Variants in SEZ6L observed in about 807,000 individuals in gnomAD.
SEZ6L encodes seizure 6-like protein.
In SEZ6L, 37 loss-of-function variants were observed where a neutral mutation model predicts 106.2. The ratio of observed to expected loss-of-function variants is 0.35; its 90% CI spans 0.27 to 0.46. The LOEUF (loss-of-function observed/expected upper bound fraction) is 0.46, where lower values mean the gene tolerates loss of function less well. Among genes scored for constraint, SEZ6L ranks in the 20% least tolerant of loss-of-function variants. The pLI, the probability that SEZ6L is intolerant of heterozygous loss-of-function variation, is 1.00. For synonymous variants in SEZ6L, 541 were observed against 570.4 expected (o/e 0.95, Z 0.73); for missense variants, 1,172 against 1,332.8 (o/e 0.88, Z 1.88).
intron 1 of SEZ6L, among the ~76,000 whole-genome samples, chr22:26,225,399 C>T (rs1182460702): frequency 6.6e-6 from 1 of 152,166 alleles, no homozygotes; most frequent in Non-Finnish European, 1.5e-5. Flanking sequence ...CGGGATCACT[C>T]AGTCTGTCAG....
At chr22:26,190,932 G>C (rs1257809478) in intron 1 of SEZ6L, among the ~76,000 whole-genome samples, 1 of 152,190 alleles carries the variant, frequency 6.6e-6, no homozygotes, top group Non-Finnish European at 1.5e-5. Context: ...CTCTCCAGCA[G>C]GGTTAACAAA....
At chr22:26,239,410 C>A (rs2079046539) in intron 1 of SEZ6L, among the ~76,000 whole-genome samples, 1 of 152,218 alleles carries the variant, frequency 6.6e-6, no homozygotes, top group Non-Finnish European at 1.5e-5. Flanking sequence ...AGGTTCTGCA[C>A]CCTCTTGTTC....
At chr22:26,368,477 T>C (rs934408318) in intron 13 of SEZ6L, among the ~76,000 whole-genome samples, 5 of 152,212 alleles carry the variant, frequency 3.3e-5, no homozygotes, top group Non-Finnish European at 5.9e-5. Context: ...GCCGTTATGC[T>C]GAGTGAAGGA....
At chr22:26,304,380 G>GAAAGAA (rs757941326) in intron 5 of SEZ6L, among the ~76,000 whole-genome samples, 5 of 84,970 alleles carry the variant, frequency 5.9e-5, no homozygotes, top group African/African-American at 2.5e-4. Flanking sequence ...AAGAAAGAAA[G>GAAAGAA]AAAGAAAGAA....
At chr22:26,303,674 G>A (rs546839660) in intron 5 of SEZ6L, among the ~76,000 whole-genome samples, 1 of 152,244 alleles carries the variant, frequency 6.6e-6, no homozygotes, top group Non-Finnish European at 1.5e-5. Context: ...AATATTTACT[G>A]AGCACATTCT....
At chr22:26,184,706 C>T (rs571763619) in intron 1 of SEZ6L, among the ~76,000 whole-genome samples, 13 of 152,184 alleles carry the variant, frequency 8.5e-5, no homozygotes, top group South Asian at 2.1e-4. Flanking sequence ...CCAAAGCATG[C>T]GGATCATTCA....
intron 10 of SEZ6L, among the ~76,000 whole-genome samples, chr22:26,344,057 A>G (rs976073959): frequency 1.3e-5 from 2 of 152,228 alleles, no homozygotes; most frequent in Non-Finnish European, 2.9e-5. Flanking sequence ...TGTAACTCCC[A>G]TTCAATGGAT....
intron 1 of SEZ6L, among the ~76,000 whole-genome samples, chr22:26,286,713 T>G (rs898401514): frequency 1.3e-5 from 2 of 151,792 alleles, no homozygotes; most frequent in Non-Finnish European, 2.9e-5. Context: ...GCTGGGGATT[T>G]AAGATACAAA....
intron 9 of SEZ6L, among the ~76,000 whole-genome samples, chr22:26,320,908 T>C (rs778281541): frequency 1.4e-4 from 21 of 152,090 alleles, no homozygotes; most frequent in Non-Finnish European, 2.8e-4. Flanking sequence ...CATCCTACAA[T>C]GCACAGGACA....
chr22:26,290,027 G>A (rs571845221), intron 1 of SEZ6L, among the ~76,000 whole-genome samples: 43 of 152,320 alleles, frequency 2.8e-4, no homozygotes, highest in South Asian at 8.3e-4. Flanking sequence ...CGGGTGAGGC[G>A]CTGTCCTAAG....
At chr22:26,278,647 C>T (rs1335060350) in intron 1 of SEZ6L, among the ~76,000 whole-genome samples, 1 of 152,094 alleles carries the variant, frequency 6.6e-6, no homozygotes, top group Non-Finnish European at 1.5e-5. Context: ...TTTTAAGAGA[C>T]AGTTTGCTCT....
At chr22:26,181,838 C>G (rs1939418372) in intron 1 of SEZ6L, among the ~76,000 whole-genome samples, 1 of 152,154 alleles carries the variant, frequency 6.6e-6, no homozygotes, top group Admixed American at 6.5e-5. Flanking sequence ...ATCTTGTCCA[C>G]TTGATATTAC....
intron 1 of SEZ6L, among the ~76,000 whole-genome samples, chr22:26,274,360 A>C (rs1054215172): frequency 2.6e-5 from 2 of 77,946 alleles, no homozygotes; most frequent in African/African-American, 4.0e-5. Flanking sequence ...CCTTGAATGT[A>C]GGACCTTGGA....
intron 11 of SEZ6L, 103 bp downstream of exon 11, chr22:26,348,016 G>C (rs566502045): frequency 1.7e-5 from 15 of 869,396 alleles, no homozygotes; most frequent in Non-Finnish European, 2.6e-5. Flanking sequence ...GTAGAATCTG[G>C]ACTCCCCCTC....
intron 9 of SEZ6L, among the ~76,000 whole-genome samples, chr22:26,338,859 T>TTTTTTTTC (rs1556362485): frequency 4.3e-4 from 41 of 95,432 alleles, no homozygotes; most frequent in African/African-American, 1.6e-3. Flanking sequence ...CCCGGACTTT[T>TTTTTTTTC]TTTTTTTCTT....
intron 1 of SEZ6L, among the ~76,000 whole-genome samples, chr22:26,285,331 A>G (rs2080902708): frequency 6.6e-6 from 1 of 152,194 alleles, no homozygotes; most frequent in South Asian, 2.1e-4. Flanking sequence ...GCTAAATCCA[A>G]CTTCTTTATT....
intron 12 of SEZ6L, among the ~76,000 whole-genome samples, chr22:26,353,365 A>G (rs543174998): frequency 1.3e-5 from 2 of 152,374 alleles, no homozygotes; most frequent in South Asian, 4.1e-4. Flanking sequence ...ATGTGCATAT[A>G]TATGCATATA....
At chr22:26,205,655 G>A (rs1941235714) in intron 1 of SEZ6L, among the ~76,000 whole-genome samples, 1 of 150,932 alleles carries the variant, frequency 6.6e-6, no homozygotes, top group South Asian at 2.1e-4. Flanking sequence ...GGTGGTGGGG[G>A]ATGGGGAAAG....
At chr22:26,339,397 C>T (rs2082751867) in intron 9 of SEZ6L, among the ~76,000 whole-genome samples, 1 of 152,188 alleles carries the variant, frequency 6.6e-6, no homozygotes, top group Non-Finnish European at 1.5e-5. Flanking sequence ...GGTGAATTAT[C>T]TGGCATTCTT....
Sources: allele counts gnomAD v4.1 joint callset (sites outside exome capture counted in the v4.1 genomes callset), GRCh38; gene constraint gnomAD v4.1.1; transcripts MANE v1.5; gene names NCBI Gene and HGNC (gene_info 2026-07-23, HGNC 2026-07-21).